Variants in KIAA0586 observed in about 807,000 individuals in gnomAD.
KIAA0586 encodes the protein protein TALPID3.
KIAA0586 carries 144 observed loss-of-function variants against 169.8 expected under a neutral mutation model. That is an observed-to-expected ratio of 0.85 (90% CI 0.74 to 0.97). The LOEUF (loss-of-function observed/expected upper bound fraction) is 0.97. KIAA0586 is among the 50% of genes least tolerant of loss of function. The probability of loss-of-function intolerance (pLI) is 0.00; values close to 1 mark genes in which losing one functional copy is unlikely to be tolerated. For synonymous variants in KIAA0586, 625 were observed against 612.4 expected, an observed-to-expected ratio of 1.02 and a Z score of -0.30; for missense variants, 1,854 against 1,823.0, an observed-to-expected ratio of 1.02 and a Z score of -0.31.
intron 4 of KIAA0586, among the ~76,000 whole-genome samples, chr14:58,436,613 C>G (rs2037840687): frequency 6.6e-6 from 1 of 151,712 alleles, no homozygotes. Context: ...TAACACTTAC[C>G]TAGAAGAACA....
chr14:58,541,610 A>G (rs571365757), intron 30 of KIAA0586, among the ~76,000 whole-genome samples: 1 of 152,384 alleles, frequency 6.6e-6, no homozygotes, highest in African/African-American at 2.4e-5. Context: ...CATTCGTTAC[A>G]TAACTTATTA....
At position 58,532,991 on chromosome 14, in the gene KIAA0586, T is replaced by C. The variant is rs369768103; in HGVS notation, c.4430-7080T>C. On this transcript the variant is annotated intron_variant, in intron 29 of 30. Transcript: ENST00000652326. ...GTCAGCTCAGAATGGTCAGGAACCT[T>C]TTTTTGTGATAAGCCTCACAGAGGC... 2.6e-5 allele frequency among the ~76,000 whole-genome samples: 4 copies of C among 152,236 alleles called. No homozygotes were observed. In the East Asian group the frequency reaches 7.7e-4, roughly 29 times the overall value.
At chr14:58,452,972 C>T (rs574327524) in intron 8 of KIAA0586, among the ~76,000 whole-genome samples, 17 of 150,664 alleles carry the variant, frequency 1.1e-4, no homozygotes, top group South Asian at 2.1e-4. Flanking sequence ...GGCTGGAGTG[C>T]GATGGTGTGA....
At position 58,460,056 on chromosome 14, in the gene KIAA0586, A is replaced by G; in HGVS notation, c.1870A>G (p.Lys624Glu). The change falls in exon 13 of 31, where the codon AAA becomes GAA. Residue 624 changes from lysine to glutamate, a missense_variant. Physicochemically the swap from Lys to Glu is moderately conservative, Grantham distance 56 (BLOSUM62 1). Coordinates refer to ENST00000652326, the MANE Select transcript of KIAA0586 (RefSeq NM_001329943.3). ...GGGCATGCCTGCTTCAAGTTTACAG[A>G]AAGAGAGAAAGGAAGTAAGATCCTA... Reference protein sequence around the residue: ...MRGMPASSLQKERKEGLLKAT... With the variant: ...MRGMPASSLQEERKEGLLKAT... 3.3e-6 allele frequency: 5 copies of G among 1,507,442 alleles called. No homozygotes were observed. The highest frequency in any genetic ancestry group is 4.4e-6 in the Non-Finnish European group (5 of 1,124,394). 93.4% of individuals were successfully genotyped at this position (1,507,442 alleles called of 1,614,324 possible). A position where few individuals can be genotyped will look rare whatever the true frequency, so the allele number is the denominator to read the frequency against.
At chr14:58,459,310 G>A (rs575943659) in intron 12 of KIAA0586, among the ~76,000 whole-genome samples, 132 of 152,060 alleles carry the variant, frequency 8.7e-4, no homozygotes, top group Non-Finnish European at 1.6e-3. Context: ...GTACTATATG[G>A]TACACACACA....
At position 58,434,684 on chromosome 14, in the gene KIAA0586, A is replaced by G. The variant is rs1284977320; in HGVS notation, c.410+2227A>G. Among the ~76,000 whole-genome samples, 2 of 152,226 alleles carry G rather than the reference A, an allele frequency of 1.3e-5. 1 individual carries two copies. Among genetic ancestry groups the G allele is most frequent in the African/African-American group, 4.8e-5 (2 of 41,460 alleles). On this transcript the variant is annotated intron_variant, in intron 4 of 30. Coordinates refer to ENST00000652326, the MANE Select transcript of KIAA0586 (RefSeq NM_001329943.3). ...AATACACAGTGATTGGAATGCAGCA[A>G]TGTTTTAAAAATGGTAATAGCAAAT...
At chr14:58,506,845 T>C (rs1280584788) in intron 27 of KIAA0586, among the ~76,000 whole-genome samples, 1 of 151,846 alleles carries the variant, frequency 6.6e-6, no homozygotes, top group African/African-American at 2.4e-5. Flanking sequence ...ATGGCGTCTT[T>C]GAAATATTTT....
At chr14:58,472,159 T>C (rs1262855609) in intron 17 of KIAA0586, 40 bp from the exon 18 acceptor site, 6 of 1,036,044 alleles carry the variant, frequency 5.8e-6, no homozygotes, top group Non-Finnish European at 8.5e-6. Flanking sequence ...ATTTTAAAAG[T>C]GTTAAGCACA....
chr14:58,467,614 G>A (rs900747243), intron 15 of KIAA0586, 121 bp from the exon 16 acceptor site: 2 of 701,392 alleles, frequency 2.9e-6, no homozygotes, highest in Non-Finnish European at 4.8e-6. Flanking sequence ...GGAGGGAGGG[G>A]TGATTGTCAG....
At chr14:58,502,771 A>G (rs1447380857) in intron 27 of KIAA0586, among the ~76,000 whole-genome samples, 2 of 152,124 alleles carry the variant, frequency 1.3e-5, no homozygotes, top group African/African-American at 4.8e-5. Context: ...GACTAAAAGG[A>G]CTTTGCCTAT....
At chr14:58,506,607 A>G (rs2043962148) in intron 27 of KIAA0586, among the ~76,000 whole-genome samples, 1 of 151,812 alleles carries the variant, frequency 6.6e-6, no homozygotes, top group African/African-American at 2.4e-5. Context: ...GAATCGCTTG[A>G]ACCCGGGAGG....
In KIAA0586 at chr14:58,516,574, C is replaced by A. The variant is rs192228905; in HGVS notation, c.4429+3947C>A. On this transcript the variant is annotated intron_variant, in intron 29 of 30. Coordinates refer to ENST00000652326, the MANE Select transcript of KIAA0586 (RefSeq NM_001329943.3). The stretch of plus-strand genomic sequence containing the variant: ...CAGAATTTAAAATGTCAGTTCCCTC[C>A]AAATTGATCTATAGATTCAGTGCAA... Among the ~76,000 whole-genome samples the A allele has an allele frequency of 2.0e-5, 3 of 152,264 alleles. No homozygotes were observed. In the South Asian group the frequency reaches 6.2e-4, roughly 32 times the overall value.
At chr14:58,510,414 G>A (rs2044306232) in intron 28 of KIAA0586, among the ~76,000 whole-genome samples, 1 of 152,106 alleles carries the variant, frequency 6.6e-6, no homozygotes, top group Admixed American at 6.6e-5. Flanking sequence ...TTAGGAAAAT[G>A]CAAAATAAAA....
rs543436879 is a variant in KIAA0586 at position 58,467,823 on chromosome 14, T to C, written c.2343T>C (p.Pro781=). The change falls in exon 16 of 31, where the codon CCT becomes CCC. Residue 781 remains proline (P), a synonymous_variant. Transcript: ENST00000652326. ...CTGTAACTGTGACTACTTCTATTCC[T>C]CCATCATCTCGAAAAGTAGAAACTG... ...PHPVTVTTSI[P]PSSRKVETGV... 3 of 1,613,638 alleles carry C rather than the reference T, an allele frequency of 1.9e-6. No homozygotes were observed. The East Asian group carries it at 6.7e-5, about 36-fold the overall frequency.
At chr14:58,435,470 G>T (rs1243065311) in intron 4 of KIAA0586, among the ~76,000 whole-genome samples, 1 of 152,034 alleles carries the variant, frequency 6.6e-6, no homozygotes, top group African/African-American at 2.4e-5. Flanking sequence ...TTTGTGTTAG[G>T]AACCTTCAAT....
At chr14:58,537,858 A>G (rs1269902758) in intron 29 of KIAA0586, among the ~76,000 whole-genome samples, 5 of 152,170 alleles carry the variant, frequency 3.3e-5, no homozygotes, top group Non-Finnish European at 7.3e-5. Context: ...CGTGTTAGCC[A>G]GGATGGTCTC....
At chr14:58,523,719 A>T (rs2045377669) in intron 29 of KIAA0586, among the ~76,000 whole-genome samples, 1 of 149,030 alleles carries the variant, frequency 6.7e-6, no homozygotes. Context: ...TTTTAATTGA[A>T]TATTATTATT....
chr14:58,541,881 A>C (rs1312366178), intron 30 of KIAA0586, among the ~76,000 whole-genome samples: 2 of 152,174 alleles, frequency 1.3e-5, no homozygotes, highest in Non-Finnish European at 2.9e-5. Flanking sequence ...TTTTTTATAG[A>C]CCTGAAAACA....
chr14:58,457,992 T>A lies in KIAA0586; in HGVS notation c.1583+13T>A. On this transcript the variant is annotated intron_variant, in intron 11 of 30. Transcript: ENST00000652326. Reference sequence around the variant, plus strand: ...TATCTACCAACAGGTAAGAGGATGTTGGCATCCAGGGTTATTTATGAGTCT... The same window carrying A: ...TATCTACCAACAGGTAAGAGGATGTAGGCATCCAGGGTTATTTATGAGTCT... 6.5e-7 allele frequency: 1 copy of A among 1,537,794 alleles called. No individual in the cohort carries two copies. Among genetic ancestry groups the A allele is most frequent in the Non-Finnish European group, 8.9e-7 (1 of 1,128,516 alleles).
Sources: gnomAD v4.1 joint callset for allele counts (sites outside exome capture counted in the v4.1 genomes callset) on GRCh38, gnomAD v4.1.1 for gene constraint, MANE v1.5 for transcripts, NCBI Gene and HGNC (gene_info 2026-07-23, HGNC 2026-07-21) for gene names.